FOXP2: variants seen among roughly 807,000 people sequenced by gnomAD.
FOXP2 encodes forkhead box protein P2.
A neutral mutation model predicts 115.8 loss-of-function variants in FOXP2; 12 were observed. The observed-to-expected ratio is 0.10, with a 90% CI of 0.07 to 0.17. The LOEUF is 0.17. Among genes scored for constraint, FOXP2 ranks in the 10% least tolerant of loss-of-function variants. FOXP2 has a pLI of 1.00. For missense variants in FOXP2, 629 were observed against 843.5 expected (o/e 0.75, Z 3.15); for synonymous variants, 328 against 297.7 (o/e 1.10, Z -1.05).
chr7:114,311,528 A>C (rs1797146706), intron 2 of FOXP2, among the ~76,000 whole-genome samples: 2 of 152,130 alleles, frequency 1.3e-5, no homozygotes, highest in Admixed American at 1.3e-4. Context: ...TTGTCCCAAG[A>C]GTCCCCCAGT....
At chr7:114,536,325 C>CAGTAGA (rs1468962217) in intron 3 of FOXP2, among the ~76,000 whole-genome samples, 1 of 150,888 alleles carries the variant, frequency 6.6e-6, no homozygotes, top group Non-Finnish European at 1.5e-5. Flanking sequence ...AAGCTAAGTC[C>CAGTAGA]AGTAGAAGTT....
chr7:114,536,615 A>T (rs544751742), intron 3 of FOXP2, among the ~76,000 whole-genome samples: 61 of 151,400 alleles, frequency 4.0e-4, no homozygotes, highest in African/African-American at 1.4e-3. Flanking sequence ...AAGAATGATT[A>T]AAACTATTAT....
chr7:114,385,050 C>G (rs182465727), intron 2 of FOXP2, among the ~76,000 whole-genome samples: 12 of 151,774 alleles, frequency 7.9e-5, no homozygotes, highest in African/African-American at 2.9e-4. Flanking sequence ...CTCTCCCCCC[C>G]TCTCTCTCTA....
At chr7:114,554,609 A>G (rs9640756) in intron 3 of FOXP2, among the ~76,000 whole-genome samples, 4,155 of 151,944 alleles carry the variant, frequency 0.027, 155 homozygotes, top group East Asian at 0.16. Context: ...CTGGACTACT[A>G]TTTTCTTTTA....
chr7:114,594,513 T>G (rs541052113), intron 3 of FOXP2, among the ~76,000 whole-genome samples: 2 of 152,220 alleles, frequency 1.3e-5, no homozygotes, highest in Non-Finnish European at 2.9e-5. Flanking sequence ...TGTCTCACTT[T>G]GGAGCTTTTT....
chr7:114,484,384 C>A (rs928432810), intron 2 of FOXP2, among the ~76,000 whole-genome samples: 1 of 151,778 alleles, frequency 6.6e-6, no homozygotes, highest in African/African-American at 2.4e-5. Flanking sequence ...CCTTTTAGTG[C>A]ATGATAATAT....
intron 2 of FOXP2, among the ~76,000 whole-genome samples, chr7:114,348,845 C>T (rs1299991911): frequency 6.6e-6 from 1 of 152,078 alleles, no homozygotes; most frequent in Non-Finnish European, 1.5e-5. Flanking sequence ...CAGCTTCCAG[C>T]CCCAAGTCAG....
At chr7:114,566,462 C>T (rs946843554) in intron 3 of FOXP2, among the ~76,000 whole-genome samples, 6 of 151,986 alleles carry the variant, frequency 3.9e-5, no homozygotes, top group Admixed American at 3.9e-4. Flanking sequence ...TCCCACAGAG[C>T]TGGTTGTAAA....
At chr7:114,181,792 G>C (rs1170161798) in intron 1 of FOXP2, among the ~76,000 whole-genome samples, 1 of 151,998 alleles carries the variant, frequency 6.6e-6, no homozygotes, top group Admixed American at 6.6e-5. Context: ...GTTTTAATGG[G>C]ATAAATGATA....
At chr7:114,129,516 A>T (rs1791814501) in intron 1 of FOXP2, among the ~76,000 whole-genome samples, 1 of 152,186 alleles carries the variant, frequency 6.6e-6, no homozygotes, top group South Asian at 2.1e-4. Context: ...TAAAAAAAAA[A>T]TGTGTTTTTA....
rs1796900752 is a variant in FOXP2, at chr7:114,302,428, A to T, written c.-11+14319A>T. Among the ~76,000 whole-genome samples the T allele has an allele frequency of 2.0e-5, 3 of 152,300 alleles. No homozygotes were observed. The South Asian group carries it at 6.2e-4, about 32-fold the overall frequency. ...CTTCTCAGTTTGAAAGCACTTTAAA[A>T]AATATTAAATCATTTAATACTCAAC... On this transcript the variant is annotated intron_variant, in intron 2 of 17. Coordinates refer to the FOXP2 transcript ENST00000634411.
chr7:114,340,760 C>A (rs958717214), intron 2 of FOXP2, among the ~76,000 whole-genome samples: 1 of 150,910 alleles, frequency 6.6e-6, no homozygotes, highest in African/African-American at 2.4e-5. Context: ...GATTGCACCC[C>A]CACTGTGTTG....
At chr7:114,303,674 A>G (rs1192809347) in intron 2 of FOXP2, among the ~76,000 whole-genome samples, 1 of 152,180 alleles carries the variant, frequency 6.6e-6, no homozygotes, top group East Asian at 1.9e-4. Context: ...ATATGAAACT[A>G]GAGGTTTTAA....
At chr7:114,633,033 A>G (rs1351567243) in intron 6 of FOXP2, among the ~76,000 whole-genome samples, 2 of 152,084 alleles carry the variant, frequency 1.3e-5, no homozygotes, top group African/African-American at 4.8e-5. Flanking sequence ...ACTATACTAA[A>G]ACAGAAAAAA....
chr7:114,401,916 T>A (rs1022571734), intron 2 of FOXP2, among the ~76,000 whole-genome samples: 11 of 151,932 alleles, frequency 7.2e-5, no homozygotes, highest in African/African-American at 2.7e-4. Flanking sequence ...AGGCCAGAAG[T>A]TGGGAGACCA....
intron 2 of FOXP2, among the ~76,000 whole-genome samples, chr7:114,371,855 T>G (rs1260148828): frequency 6.6e-6 from 1 of 152,170 alleles, no homozygotes; most frequent in Non-Finnish European, 1.5e-5. Context: ...AATGTTTTAT[T>G]GTGGACCGTT....
chr7:114,478,957 A>C (rs1488838692), intron 2 of FOXP2, among the ~76,000 whole-genome samples: 3 of 151,660 alleles, frequency 2.0e-5, no homozygotes, highest in Non-Finnish European at 1.5e-5. Flanking sequence ...TGTTATAGGG[A>C]AAGTTTTTCT....
intron 2 of FOXP2, among the ~76,000 whole-genome samples, chr7:114,379,641 C>T (rs9641516): frequency 2.6e-5 from 4 of 151,832 alleles, no homozygotes; most frequent in African/African-American, 7.3e-5. Context: ...TTTGAAAAAC[C>T]ATTTGTAGTT....
rs971863994 is a variant in FOXP2 at position 114,334,026 on chromosome 7, A to C, written c.-11+45917A>C. 5.3e-5 allele frequency among the ~76,000 whole-genome samples: 8 copies of C among 152,266 alleles called. No homozygotes were observed. In the South Asian group the frequency reaches 1.2e-3, roughly 24 times the overall value. On this transcript the variant is annotated intron_variant, in intron 2 of 17. Transcript: ENST00000634411. ...ACAGGATATCACAAAGGAAATGCAAACTTATTTGATTTAGGATAGTTTTTT... is the reference window on the plus strand; with the variant it reads ...ACAGGATATCACAAAGGAAATGCAACCTTATTTGATTTAGGATAGTTTTTT...
Sources: gnomAD v4.1 joint callset for allele counts (sites outside exome capture counted in the v4.1 genomes callset) on GRCh38, gnomAD v4.1.1 for gene constraint, MANE v1.5 for transcripts, NCBI Gene and HGNC (gene_info 2026-07-23, HGNC 2026-07-21) for gene names.